LRRC71: variants seen among roughly 807,000 people sequenced by gnomAD.
The protein encoded by LRRC71 is leucine-rich repeat-containing protein 71.
In LRRC71, 54 loss-of-function variants were observed where a neutral mutation model predicts 66.6. That is an observed-to-expected ratio of 0.81 (90% CI 0.65 to 1.02). LRRC71 has a LOEUF of 1.02. Among genes scored for constraint, LRRC71 ranks in the 50% least tolerant of loss-of-function variants. The probability of loss-of-function intolerance (pLI) is 0.00; values close to 1 mark genes in which losing one functional copy is unlikely to be tolerated. For missense variants in LRRC71, 724 were observed against 718.0 expected (o/e 1.01, Z -0.10); for synonymous variants, 323 against 303.9 (o/e 1.06, Z -0.65).
rs1252457283 is a variant in LRRC71, at chr1:156,929,278, A to G, written c.997-2A>G. 2 of 1,598,144 alleles carry G rather than the reference A, an allele frequency of 1.3e-6. No homozygotes were observed. The highest frequency in any genetic ancestry group is 1.7e-6 in the Non-Finnish European group (2 of 1,172,198). The stretch of plus-strand genomic sequence containing the variant: ...CCCCTTCCCTCCCATTTGTGAGCAC[A>G]GCCCTCCTCCTCTCGACACGGGGAC... On this transcript the variant is annotated splice_acceptor_variant, in intron 9 of 14. Coordinates refer to ENST00000337428, the MANE Select transcript of LRRC71 (RefSeq NM_144702.3). LOFTEE classifies it high-confidence loss of function.
At chr1:156,926,660 C>T (rs529169605) in intron 5 of LRRC71, among the ~76,000 whole-genome samples, 9 of 151,238 alleles carry the variant, frequency 6.0e-5, no homozygotes, top group African/African-American at 2.0e-4. Flanking sequence ...CTGCAACCTC[C>T]GCCTCCTGGA....
the LRRC71 span, chr1:156,938,596 G>A: frequency 7.4e-7 from 1 of 1,347,362 alleles, no homozygotes; most frequent in Non-Finnish European, 1.0e-6. Flanking sequence ...AAGGAGAGAG[G>A]GCAGGAGGTG....
the LRRC71 span, chr1:156,939,736 T>C: frequency 1.9e-6 from 3 of 1,614,066 alleles, no homozygotes; most frequent in Non-Finnish European, 2.5e-6. Flanking sequence ...CTGGGTGTTG[T>C]CCCCTTCACC....
chr1:156,933,385 A>G (rs929222256), downstream of LRRC71, among the ~76,000 whole-genome samples: 1 of 152,200 alleles, frequency 6.6e-6, no homozygotes, highest in African/African-American at 2.4e-5. Flanking sequence ...TGACACACAT[A>G]AGCTTGGGAG....
intron 11 of LRRC71, among the ~76,000 whole-genome samples, chr1:156,930,060 T>TTCTTTTTCTTTCTTTCTCTTTC (rs746194831): frequency 8.7e-5 from 11 of 126,234 alleles, no homozygotes; most frequent in African/African-American, 3.7e-4. Context: ...CTTTCTTTCT[T>TTCTTTTTCTTTCTTTCTCTTTC]TTTCTTTCTT....
chr1:156,929,506 A>T (rs1653946913), intron 10 of LRRC71, 77 bp downstream of exon 10: 1 of 1,592,418 alleles, frequency 6.3e-7, no homozygotes, highest in African/African-American at 1.3e-5. Context: ...GAGGTGGTGG[A>T]GGGAAGAAGG....
chr1:156,939,521 C>T, the LRRC71 span: 1 of 1,605,728 alleles, frequency 6.2e-7, no homozygotes, highest in Non-Finnish European at 8.5e-7. Flanking sequence ...TGCTTGTCTC[C>T]CCACTGGACA....
the LRRC71 span, among the ~76,000 whole-genome samples, chr1:156,940,690 G>A: frequency 3.2e-4 from 49 of 152,304 alleles, no homozygotes; most frequent in African/African-American, 1.1e-3. Context: ...TAGTTTGTTA[G>A]AAGGCAGTAA....
At position 156,924,115 on chromosome 1, in the gene LRRC71, C is replaced by A. The variant is rs1383179538; in HGVS notation, c.310+17C>A. On this transcript the variant is annotated intron_variant, in intron 2 of 14. Coordinates refer to ENST00000337428, the MANE Select transcript of LRRC71 (RefSeq NM_144702.3). ...CCACCTTAGGTGAGTGACAGTGGAG[C>A]TCCCCGGTGCCTGCCAGGGCCGCCT... 1.3e-6 allele frequency: 2 copies of A among 1,548,144 alleles called. No individual in the cohort carries two copies. Among genetic ancestry groups the A allele is most frequent in the Non-Finnish European group, 1.7e-6 (2 of 1,146,310 alleles).
At chr1:156,936,309 C>T, downstream of LRRC71, 2 of 663,718 alleles carry the variant, frequency 3.0e-6, 1 homozygote, top group South Asian at 2.8e-5. Context: ...GTCCCTGGCC[C>T]ACCCAGTGTG....
downstream of LRRC71, chr1:156,935,489 AG>A (rs1654887633): frequency 6.6e-6 from 1 of 152,656 alleles, no homozygotes; most frequent in South Asian, 2.1e-4. Context: ...GGAACAAAAA[AG>A]GTCAAAGTTA....
At position 156,932,956 on chromosome 1, in the gene LRRC71, C is replaced by T; in HGVS notation, c.1667C>T (p.Ala556Val). ...AAACTCAGGGAGGATGAGGCCATGG[C>T]ATTCTTCCCCTAGCCCCCTCCCACC... ...KAKLREDEAM[A>V]FFP Residue 556 changes from alanine (A) to valine (V), a missense_variant, in exon 15 of 15, where the codon GCA becomes GTA. By Grantham distance (64) the Ala-to-Val change is moderately conservative. Coordinates refer to ENST00000337428, the MANE Select transcript of LRRC71 (RefSeq NM_144702.3). 6.4e-7 allele frequency: 1 copy of T among 1,571,520 alleles called. No homozygotes were observed. Among genetic ancestry groups the T allele is most frequent in the Non-Finnish European group, 8.6e-7 (1 of 1,157,858 alleles).
At position 156,924,059 on chromosome 1, in the gene LRRC71, T is replaced by G; in HGVS notation, c.271T>G (p.Phe91Val). The G allele has an allele frequency of 1.3e-6, 1 of 773,714 alleles. No individual in the cohort carries two copies. The highest frequency in any genetic ancestry group is 1.9e-6 in the Non-Finnish European group (1 of 528,140). The allele number at this position is 773,714 out of a possible 1,614,324, so 47.9% of individuals were successfully genotyped here. A position where few individuals can be genotyped will look rare whatever the true frequency, so the allele number is the denominator to read the frequency against. Residue 91 changes from phenylalanine (F) to valine (V), a missense_variant, in exon 2 of 15, where the codon TTC (phenylalanine) becomes GTC (valine). By Grantham distance (50) the Phe-to-Val change is conservative. Coordinates refer to ENST00000337428, the MANE Select transcript of LRRC71 (RefSeq NM_144702.3). ...VVNRPRPHPP[F>V]VPSASLSEKA... is the part of the protein sequence containing the mutation. ...CAACCGGCCCCGCCCCCACCCGCCC[T>G]TCGTCCCCTCCGCCTCTTTGTCGGA... is the stretch of plus-strand genomic sequence containing the variant.
At chr1:156,939,871 G>A in the LRRC71 span, 3 of 1,609,816 alleles carry the variant, frequency 1.9e-6, no homozygotes, top group South Asian at 3.3e-5. Flanking sequence ...GGTGTGACCT[G>A]GCAGCAGGCT....
Position 156,927,671 on chromosome 1 carries a change from G to C in LRRC71, c.822+16G>C. On this transcript the variant is annotated intron_variant, in intron 7 of 14. Transcript: ENST00000337428. ...CATCGCGGACGTGAGTGCACGGCGG[G>C]GAGGGACCTGCTGGGAGCAGGGGCG... The C allele has an allele frequency of 6.2e-7, 1 of 1,606,880 alleles. No homozygotes were observed. Among genetic ancestry groups the C allele is most frequent in the Middle Eastern group, 1.7e-4 (1 of 6,044 alleles).
downstream of LRRC71, among the ~76,000 whole-genome samples, chr1:156,936,497 A>AAAAAATATATAT (rs370282821): frequency 8.8e-5 from 3 of 33,938 alleles, no homozygotes; most frequent in Non-Finnish European, 1.4e-4. Flanking sequence ...AAAAAAAAAA[A>AAAAAATATATAT]ATATATATAT....
rs1653948804 is a variant in LRRC71 at position 156,929,516 on chromosome 1, G to T, written c.1146+87G>T. On this transcript the variant is annotated intron_variant, in intron 10 of 14. Transcript: ENST00000337428. ...GTACAGAGGTGGTGGAGGGAAGAAG[G>T]CCACATGGGCCTTTGAAGTTCCCCC... 5.1e-6 allele frequency: 8 copies of T among 1,577,820 alleles called. No individual in the cohort carries two copies. In the South Asian group the frequency reaches 6.9e-5, roughly 14 times the overall value.
At position 156,932,981 on chromosome 1, in the gene LRRC71, C is replaced by G. The variant is rs1236440629; in HGVS notation, c.*12C>G. The G allele has an allele frequency of 6.5e-7, 1 of 1,546,680 alleles. No homozygotes were observed. ...CATTCTTCCCCTAGCCCCCTCCCAC[C>G]TGCTTGCCTCTAAGACTCGGGGCTA... On this transcript the variant is annotated 3_prime_UTR_variant, in exon 15 of 15. Coordinates refer to ENST00000337428, the MANE Select transcript of LRRC71 (RefSeq NM_144702.3).
intron 11 of LRRC71, among the ~76,000 whole-genome samples, chr1:156,930,072 C>CTTTTTCTTTCTTTCTTTCTTT (rs1553189724): frequency 6.9e-5 from 8 of 115,248 alleles, no homozygotes. Flanking sequence ...TTCTTTCTTT[C>CTTTTTCTTTCTTTCTTTCTTT]TTTCTTTTCT....
Sources: allele counts gnomAD v4.1 joint callset (sites outside exome capture counted in the v4.1 genomes callset), GRCh38; gene constraint gnomAD v4.1.1; transcripts MANE v1.5; gene names NCBI Gene and HGNC (gene_info 2026-07-23, HGNC 2026-07-21).